Variants in EYS observed in about 807,000 individuals in gnomAD.
EYS encodes EGF-like photoreceptor maintenance factor, also known as protein eyes shut homolog.
A neutral mutation model predicts 282.1 loss-of-function variants in EYS; 250 were observed. The ratio of observed to expected loss-of-function variants is 0.89; its 90% CI spans 0.80 to 0.98. The LOEUF is 0.98. EYS is among the 50% of genes least tolerant of loss of function. The pLI is 0.00. For synonymous variants in EYS, 1,355 were observed against 1,282.9 expected, an observed-to-expected ratio of 1.06 and a Z score of -1.20; for missense variants, 4,016 against 3,709.0, an observed-to-expected ratio of 1.08 and a Z score of -2.15.
At chr6:64,903,127 A>C (rs1484240263) in intron 16 of EYS, among the ~76,000 whole-genome samples, 2 of 152,140 alleles carry the variant, frequency 1.3e-5, no homozygotes, top group Non-Finnish European at 2.9e-5. Flanking sequence ...TTAAAATACA[A>C]TGAAATATAT....
At chr6:63,752,639 C>T (rs1004244200) in intron 41 of EYS, among the ~76,000 whole-genome samples, 6 of 151,800 alleles carry the variant, frequency 4.0e-5, no homozygotes, top group African/African-American at 1.5e-4. Flanking sequence ...ACTACAGGCA[C>T]CCACCACCAT....
chr6:64,613,349 A>ATGTT (rs1406404986), intron 24 of EYS, among the ~76,000 whole-genome samples: 4 of 152,138 alleles, frequency 2.6e-5, no homozygotes, highest in Admixed American at 1.3e-4. Context: ...AAATCCATTC[A>ATGTT]TGTTTTCTTA....
chr6:64,328,193 G>A (rs1017948799), intron 29 of EYS, among the ~76,000 whole-genome samples: 1 of 152,060 alleles, frequency 6.6e-6, no homozygotes, highest in African/African-American at 2.4e-5. Context: ...ATCCTACCTG[G>A]GCTGATTGCA....
At chr6:65,473,848 A>C in intron 5 of EYS, among the ~76,000 whole-genome samples, 1 of 86,762 alleles carries the variant, frequency 1.2e-5, no homozygotes, top group Non-Finnish European at 2.7e-5. Flanking sequence ...TTTTTGTCTC[A>C]AAAAAAAAAA....
chr6:64,095,894 G>A (rs1480527859), intron 31 of EYS, among the ~76,000 whole-genome samples: 7 of 152,146 alleles, frequency 4.6e-5, no homozygotes, highest in Non-Finnish European at 1.0e-4. Context: ...GGCTGGTACC[G>A]GTTGCTCCTT....
intron 11 of EYS, among the ~76,000 whole-genome samples, chr6:65,325,574 T>C (rs898943537): frequency 2.0e-5 from 3 of 152,094 alleles, no homozygotes; most frequent in African/African-American, 7.2e-5. Flanking sequence ...TGTTCTAAAG[T>C]CACTCAGATT....
intron 26 of EYS, among the ~76,000 whole-genome samples, chr6:64,466,267 T>G (rs940081369): frequency 1.3e-5 from 2 of 152,056 alleles, no homozygotes; most frequent in African/African-American, 4.8e-5. Flanking sequence ...CCAAAGGTAA[T>G]GAAATGAGTA....
At chr6:63,826,004 T>C (rs1771449954) in intron 36 of EYS, among the ~76,000 whole-genome samples, 6 of 151,900 alleles carry the variant, frequency 3.9e-5, no homozygotes. Flanking sequence ...ATGATACAAG[T>C]AGTGAAGGGA....
At chr6:64,862,504 C>G (rs967362943) in intron 19 of EYS, among the ~76,000 whole-genome samples, 4 of 152,052 alleles carry the variant, frequency 2.6e-5, no homozygotes, top group African/African-American at 4.8e-5. Context: ...TACATTTCTG[C>G]TATAATTGTT....
chr6:64,451,123 G>A (rs201520752), intron 26 of EYS, among the ~76,000 whole-genome samples: 56,012 of 151,628 alleles, frequency 0.37, 11,073 homozygotes, highest in African/African-American at 0.52. Flanking sequence ...AGACTAATAA[G>A]GAAGAAAAGA....
intron 14 of EYS, among the ~76,000 whole-genome samples, chr6:64,962,012 A>G (rs1010756043): frequency 2.0e-5 from 3 of 152,288 alleles, no homozygotes; most frequent in Admixed American, 6.5e-5. Flanking sequence ...CCAAAAACAT[A>G]ATCATAACTT....
intron 26 of EYS, among the ~76,000 whole-genome samples, chr6:64,532,596 C>A (rs1764385034): frequency 6.6e-6 from 1 of 152,072 alleles, no homozygotes; most frequent in Non-Finnish European, 1.5e-5. Context: ...GTAGTCCCAG[C>A]TACTCGGGAG....
chr6:64,750,897 C>T (rs1772724376), intron 22 of EYS, among the ~76,000 whole-genome samples: 1 of 152,156 alleles, frequency 6.6e-6, no homozygotes, highest in African/African-American at 2.4e-5. Flanking sequence ...GGGCAGAGTC[C>T]CCCTGAGCTG....
intron 33 of EYS, among the ~76,000 whole-genome samples, chr6:64,024,451 C>A (rs1006582501): frequency 6.6e-6 from 1 of 152,094 alleles, no homozygotes; most frequent in Non-Finnish European, 1.5e-5. Flanking sequence ...TCAAAACAGA[C>A]CACTCGGCTC....
chr6:65,667,726 C>G (rs1447679911), intron 1 of EYS, among the ~76,000 whole-genome samples: 1 of 151,796 alleles, frequency 6.6e-6, no homozygotes, highest in Non-Finnish European at 1.5e-5. Context: ...AAAGATTTTG[C>G]TGGCATTTTC....
intron 22 of EYS, among the ~76,000 whole-genome samples, chr6:64,780,614 A>G (rs1773829802): frequency 6.6e-6 from 1 of 152,162 alleles, no homozygotes; most frequent in African/African-American, 2.4e-5. Context: ...AAACCTCACC[A>G]TTATGCAATA....
At chr6:65,497,853 G>A (rs1423107232) in intron 2 of EYS, among the ~76,000 whole-genome samples, 1 of 151,946 alleles carries the variant, frequency 6.6e-6, no homozygotes, top group Non-Finnish European at 1.5e-5. Context: ...TCACAATTTT[G>A]AAGAACCTGT....
chr6:65,520,980 A>G (rs1314406179), intron 2 of EYS, among the ~76,000 whole-genome samples: 1 of 152,162 alleles, frequency 6.6e-6, no homozygotes, highest in Non-Finnish European at 1.5e-5. Context: ...ATATGAAATT[A>G]TGACTGCTGA....
In EYS at chr6:64,963,800, A is replaced by G. The variant is rs564367434; in HGVS notation, c.2260-17886T>C. The stretch of plus-strand genomic sequence containing the variant: ...GATGAGTGAAATAGGAGTCTTTTGT[A>G]TATCAAAAGTTCACTGAACAATTAA... On this transcript the variant is annotated intron_variant, in intron 14 of 42. Coordinates refer to ENST00000503581, the MANE Select transcript of EYS (RefSeq NM_001142800.2). Among the ~76,000 whole-genome samples the G allele has an allele frequency of 1.1e-4, 17 of 152,308 alleles. No homozygotes were observed. In the South Asian group the frequency reaches 3.1e-3, roughly 28 times the overall value.
Sources: gnomAD v4.1 joint callset for allele counts (sites outside exome capture counted in the v4.1 genomes callset) on GRCh38, gnomAD v4.1.1 for gene constraint, MANE v1.5 for transcripts, NCBI Gene and HGNC (gene_info 2026-07-23, HGNC 2026-07-21) for gene names.